Variants in MYO1E observed in about 807,000 individuals in gnomAD.
MYO1E encodes the protein myosin IE, also known as unconventional myosin-Ie.
MYO1E carries 68 observed loss-of-function variants against 151.1 expected under a neutral mutation model. The ratio of observed to expected loss-of-function variants is 0.45; its 90% CI spans 0.37 to 0.55. MYO1E has a LOEUF of 0.55. MYO1E is among the 20% of genes least tolerant of loss of function. MYO1E has a pLI of 0.00. For missense variants in MYO1E, 1,363 were observed against 1,389.3 expected (o/e 0.98, Z 0.30); for synonymous variants, 601 against 501.7 (o/e 1.20, Z -2.64).
At chr15:59,254,175 C>G (rs563574956) in intron 4 of MYO1E, among the ~76,000 whole-genome samples, 32 of 152,198 alleles carry the variant, frequency 2.1e-4, no homozygotes, top group Admixed American at 1.7e-3. Context: ...TAAAGGGGAT[C>G]TTTGGGTTTG....
chr15:59,183,825 C>G (rs1192936109), intron 18 of MYO1E, among the ~76,000 whole-genome samples: 1 of 152,110 alleles, frequency 6.6e-6, no homozygotes, highest in Non-Finnish European at 1.5e-5. Flanking sequence ...CCTCCCTTCC[C>G]CTTCCCCCAC....
chr15:59,221,905 T>G (rs2079958656), intron 9 of MYO1E, among the ~76,000 whole-genome samples: 1 of 152,218 alleles, frequency 6.6e-6, no homozygotes, highest in Admixed American at 6.5e-5. Flanking sequence ...ACCAACACTG[T>G]TACAATTAAA....
In MYO1E at chr15:59,358,136, T is replaced by C. The variant is rs560353644; in HGVS notation, c.3+14362A>G. 3.9e-5 allele frequency among the ~76,000 whole-genome samples: 6 copies of C among 152,212 alleles called. No homozygotes were observed. In the East Asian group the frequency reaches 1.2e-3, roughly 29 times the overall value. On this transcript the variant is annotated intron_variant, in intron 1 of 27. Coordinates refer to ENST00000288235, the MANE Select transcript of MYO1E (RefSeq NM_004998.4). ...CTCCTTGTCTCCATAGAGCAGACAA[T>C]GCTTGCCACATTGTCCTCCATGCTT...
At chr15:59,309,038 G>A (rs1258081843) in intron 1 of MYO1E, among the ~76,000 whole-genome samples, 1 of 151,586 alleles carries the variant, frequency 6.6e-6, no homozygotes, top group East Asian at 2.0e-4. Flanking sequence ...GCTTGAGCCT[G>A]GGAGTTCGGA....
intron 18 of MYO1E, among the ~76,000 whole-genome samples, chr15:59,184,502 A>G (rs2079684077): frequency 6.6e-6 from 1 of 151,854 alleles, no homozygotes; most frequent in African/African-American, 2.4e-5. Context: ...CTGGCATTAC[A>G]GGCATGGGAC....
chr15:59,295,960 G>C (rs1391896110), intron 1 of MYO1E, among the ~76,000 whole-genome samples: 9 of 152,078 alleles, frequency 5.9e-5, no homozygotes, highest in African/African-American at 1.5e-4. Context: ...TAGACCTAAA[G>C]AGGGGGCAGG....
intron 16 of MYO1E, among the ~76,000 whole-genome samples, chr15:59,197,999 C>G (rs1014109103): frequency 6.6e-6 from 1 of 152,226 alleles, no homozygotes; most frequent in East Asian, 1.9e-4. Context: ...GTAGCTGGGA[C>G]TGGAAGCACA....
intron 1 of MYO1E, among the ~76,000 whole-genome samples, chr15:59,308,904 C>G (rs1044485322): frequency 1.3e-5 from 2 of 151,666 alleles, no homozygotes; most frequent in African/African-American, 4.8e-5. Flanking sequence ...TATTTTAGCC[C>G]CAGAGAGGCA....
chr15:59,220,407 C>A (rs2079947135), intron 9 of MYO1E, among the ~76,000 whole-genome samples: 1 of 152,202 alleles, frequency 6.6e-6, no homozygotes, highest in East Asian at 1.9e-4. Flanking sequence ...CGAGATAGCG[C>A]CACTGCGCTC....
chr15:59,208,264 C>G (rs2079853711), intron 14 of MYO1E: 3 of 614,412 alleles, frequency 4.9e-6, no homozygotes, highest in Non-Finnish European at 8.4e-6. Flanking sequence ...CTGGACGATA[C>G]TTATTTACAA....
intron 4 of MYO1E, among the ~76,000 whole-genome samples, chr15:59,237,098 AT>A (rs1459577997): frequency 1.3e-5 from 2 of 151,912 alleles, no homozygotes; most frequent in Admixed American, 6.6e-5. Flanking sequence ...CATGATTACA[AT>A]TTTTTTTTCT....
At chr15:59,274,167 T>C (rs535340789) in intron 1 of MYO1E, among the ~76,000 whole-genome samples, 13 of 152,206 alleles carry the variant, frequency 8.5e-5, no homozygotes, top group African/African-American at 3.1e-4. Flanking sequence ...ACAGGAAAAG[T>C]GTACAGTGTC....
At chr15:59,188,001 C>G (rs1382080549) in intron 18 of MYO1E, 117 bp downstream of exon 18, 1 of 808,768 alleles carries the variant, frequency 1.2e-6, no homozygotes, top group African/African-American at 1.7e-5. Context: ...AGTTGCACAA[C>G]TCTGTGAATA....
chr15:59,200,337 C>A (rs146074463), intron 16 of MYO1E, among the ~76,000 whole-genome samples: 5 of 152,208 alleles, frequency 3.3e-5, no homozygotes, highest in Non-Finnish European at 5.9e-5. Context: ...AGACACTTCA[C>A]GCAGACATTA....
chr15:59,153,051 C>G (rs1241939430), intron 26 of MYO1E, among the ~76,000 whole-genome samples: 4 of 152,192 alleles, frequency 2.6e-5, no homozygotes, highest in African/African-American at 9.7e-5. Flanking sequence ...CACAGAGTTT[C>G]AGGAATCTTC....
chr15:59,286,310 A>T (rs1338052941), intron 1 of MYO1E, among the ~76,000 whole-genome samples: 2 of 152,180 alleles, frequency 1.3e-5, no homozygotes, highest in Non-Finnish European at 2.9e-5. Flanking sequence ...GAGTTAACCA[A>T]CTACTCACAT....
rs1390893340 is a variant in MYO1E at position 59,136,367 on chromosome 15, T to C, written c.*1013A>G. The C allele has an allele frequency of 3.0e-5, 5 of 167,582 alleles. No individual in the cohort carries two copies. Among genetic ancestry groups the C allele is most frequent in the African/African-American group, 1.2e-4 (5 of 42,090 alleles). The allele number at this position is 167,582 out of a possible 1,614,324, so 10.4% of individuals were successfully genotyped here. On this transcript the variant is annotated 3_prime_UTR_variant, in exon 28 of 28. Coordinates refer to ENST00000288235, the MANE Select transcript of MYO1E (RefSeq NM_004998.4). ...CAAATGTCATAAAAGAAGAAGGTGT[T>C]CGCCGATTCCTTTATTTATTTAGGA... is the stretch of plus-strand genomic sequence containing the variant.
intron 15 of MYO1E, 75 bp downstream of exon 15, chr15:59,205,325 G>A: frequency 7.1e-7 from 1 of 1,403,130 alleles, no homozygotes; most frequent in Non-Finnish European, 1.0e-6. Context: ...ACCACACCCA[G>A]CTCATAAGTT....
intron 5 of MYO1E, among the ~76,000 whole-genome samples, chr15:59,232,704 G>A (rs1257216569): frequency 1.3e-5 from 2 of 152,196 alleles, no homozygotes; most frequent in Non-Finnish European, 2.9e-5. Context: ...CAAGCCAAGG[G>A]CTCTGTATCA....
Sources: gnomAD v4.1 joint callset for allele counts (sites outside exome capture counted in the v4.1 genomes callset) on GRCh38, gnomAD v4.1.1 for gene constraint, MANE v1.5 for transcripts, NCBI Gene and HGNC (gene_info 2026-07-23, HGNC 2026-07-21) for gene names.